MCMBP: variants seen among roughly 807,000 people sequenced by gnomAD.
MCMBP encodes the protein mini-chromosome maintenance complex-binding protein.
Under a neutral mutation model 81.3 loss-of-function variants are expected in MCMBP, and 31 were observed. The ratio of observed to expected loss-of-function variants is 0.38; its 90% CI spans 0.29 to 0.51. The LOEUF is 0.51. Among genes scored for constraint, MCMBP ranks in the 20% least tolerant of loss-of-function variants. The probability of loss-of-function intolerance (pLI) is 0.87; values close to 1 mark genes in which losing one functional copy is unlikely to be tolerated. For synonymous variants in MCMBP, 267 were observed against 275.9 expected, an observed-to-expected ratio of 0.97 and a Z score of 0.32; for missense variants, 645 against 772.1, an observed-to-expected ratio of 0.84 and a Z score of 1.95.
rs1564863754 is a variant in MCMBP, at chr10:119,829,668, C to T, written c.*1806G>A. On this transcript the variant is annotated 3_prime_UTR_variant, in exon 16 of 16. Coordinates refer to ENST00000369077, the MANE Select transcript of MCMBP (RefSeq NM_001256378.2). ...GCGGGCCTTGAGCAGGAAGGTCCCT[C>T]TTGCACCACCTCCTCCACTTCAGTT... 6.6e-6 allele frequency: 1 copy of T among 152,360 alleles called. No individual in the cohort carries two copies. The highest frequency in any genetic ancestry group is 1.5e-5 in the Non-Finnish European group (1 of 68,168). 9.4% of individuals were successfully genotyped at this position (152,360 alleles called of 1,614,324 possible).
rs374270273 is a variant in MCMBP, at chr10:119,858,861, T to C, written c.327+23A>G. The C allele has an allele frequency of 4.6e-6, 7 of 1,536,582 alleles. No individual in the cohort carries two copies. In the African/African-American group the frequency reaches 9.7e-5, roughly 21 times the overall value. The stretch of plus-strand genomic sequence containing the variant: ...GGAAAAAATTCTTACTAAAAATGTT[T>C]CATATATATTAAAGATACATACCCC... On this transcript the variant is annotated intron_variant, in intron 4 of 15. Transcript: ENST00000369077.
intron 1 of MCMBP, among the ~76,000 whole-genome samples, chr10:119,867,455 ATTC>A (rs1326288971): frequency 2.0e-5 from 3 of 152,074 alleles, no homozygotes; most frequent in Non-Finnish European, 4.4e-5. Flanking sequence ...TGCCGGAGCT[ATTC>A]TTCTTCTTTG....
In MCMBP at chr10:119,838,708, G is replaced by A. The variant is rs889342259; in HGVS notation, c.1243-8C>T. ...CATCTGCAGACGAAAAGACTGCAAA[G>A]AGAAATTTTTTAGTGAACAAGAATT... On this transcript the variant is annotated splice_region_variant and splice_polypyrimidine_tract_variant and intron_variant, in intron 11 of 15. Transcript: ENST00000369077. The A allele has an allele frequency of 2.5e-6, 4 of 1,584,994 alleles. No individual in the cohort carries two copies. Among genetic ancestry groups the A allele is most frequent in the Non-Finnish European group, 3.4e-6 (4 of 1,160,006 alleles).
At chr10:119,852,724 G>A (rs145999088) in intron 6 of MCMBP, among the ~76,000 whole-genome samples, 121 of 152,276 alleles carry the variant, frequency 7.9e-4, no homozygotes, top group African/African-American at 2.9e-3. Flanking sequence ...GAGAAAGCAT[G>A]TTTTCAGATA....
intron 1 of MCMBP, among the ~76,000 whole-genome samples, chr10:119,867,373 T>C (rs1190914790): frequency 6.6e-6 from 1 of 150,498 alleles, no homozygotes; most frequent in Non-Finnish European, 1.5e-5. Flanking sequence ...CATACCATCA[T>C]GTTGATTTTT....
chr10:119,865,694 C>A (rs571677141), intron 1 of MCMBP, among the ~76,000 whole-genome samples: 2 of 152,170 alleles, frequency 1.3e-5, no homozygotes, highest in East Asian at 3.9e-4. Context: ...TTTATAACAG[C>A]CAGGAAATAA....
At chr10:119,872,952 A>AG (rs1244905086), upstream of MCMBP, 1 of 151,406 alleles carries the variant, frequency 6.6e-6, no homozygotes. Flanking sequence ...GGCGAGGAGG[A>AG]GGGGCGGCGG....
chr10:119,829,525 C>T lies in MCMBP; in HGVS notation c.*1949G>A, dbSNP rs1483141043. The T allele has an allele frequency of 6.6e-6, 1 of 152,184 alleles. No homozygotes were observed. The highest frequency in any genetic ancestry group is 1.5e-5 in the Non-Finnish European group (1 of 68,032). 9.4% of individuals were successfully genotyped at this position (152,184 alleles called of 1,614,324 possible). A position where few individuals can be genotyped will look rare whatever the true frequency, so the allele number is the denominator to read the frequency against. Reference sequence around the variant, plus strand: ...CACAGGAGTCTACTCAGTTTCCTGGCCATACAGGATTAACGCTGTGCCTTA... The same window carrying T: ...CACAGGAGTCTACTCAGTTTCCTGGTCATACAGGATTAACGCTGTGCCTTA... On this transcript the variant is annotated 3_prime_UTR_variant, in exon 16 of 16. Transcript: ENST00000369077.
intron 2 of MCMBP, 146 bp downstream of exon 2, chr10:119,859,653 C>T (rs911902291): frequency 1.8e-6 from 1 of 562,778 alleles, no homozygotes; most frequent in African/African-American, 1.9e-5. Context: ...TAGCAAAAGA[C>T]CAAAATCTTT....
intron 2 of MCMBP, 126 bp from the exon 3 acceptor site, chr10:119,859,307 CA>C: frequency 2.7e-6 from 2 of 747,742 alleles, no homozygotes; most frequent in Non-Finnish European, 4.1e-6. Flanking sequence ...CACACACACC[CA>C]TGCCACATCA....
chr10:119,838,536 T>C lies in MCMBP; in HGVS notation c.1407A>G (p.Pro469=). Residue 469 remains proline, a splice_region_variant and synonymous_variant, in exon 12 of 16, where the codon CCA becomes CCG. Transcript: ENST00000369077. ...TLLEQGQLDT[P]GVHNVTALSN... ...GAAGAGAAACATCTATGTACGTACCTGGGGTATCCAGCTGCCCCTGTTCCA... is the reference window on the plus strand; with the variant it reads ...GAAGAGAAACATCTATGTACGTACCCGGGGTATCCAGCTGCCCCTGTTCCA... 6.2e-7 allele frequency: 1 copy of C among 1,613,608 alleles called. No homozygotes were observed. The highest frequency in any genetic ancestry group is 1.7e-5 in the Admixed American group (1 of 59,970).
chr10:119,854,540 AAAAT>A (rs138139742), intron 5 of MCMBP, among the ~76,000 whole-genome samples: 103,810 of 140,402 alleles, frequency 0.74, 38,620 homozygotes, highest in African/African-American at 0.8. Context: ...CCCTGTCTCA[AAAAT>A]AAATAAATAA....
chr10:119,838,412 C>T, intron 12 of MCMBP, 123 bp downstream of exon 12: 4 of 876,134 alleles, frequency 4.6e-6, no homozygotes, highest in Non-Finnish European at 6.7e-6. Flanking sequence ...ATTCATATGC[C>T]AAGCCTTTAT....
chr10:119,849,072 T>C (rs949168810), intron 7 of MCMBP, among the ~76,000 whole-genome samples: 1 of 152,128 alleles, frequency 6.6e-6, no homozygotes, highest in Non-Finnish European at 1.5e-5. Flanking sequence ...TGGGGAAACT[T>C]TCTTGGTTGT....
In MCMBP at chr10:119,851,008, G is replaced by C. The variant is rs1005997108; in HGVS notation, c.575-1432C>G. Among the ~76,000 whole-genome samples the C allele has an allele frequency of 1.5e-4, 23 of 151,506 alleles. No individual in the cohort carries two copies. In the South Asian group the frequency reaches 4.2e-3, roughly 27 times the overall value. On this transcript the variant is annotated intron_variant, in intron 6 of 15. Coordinates refer to ENST00000369077, the MANE Select transcript of MCMBP (RefSeq NM_001256378.2). The stretch of plus-strand genomic sequence containing the variant: ...CTGCCTCAGTCTCCCAAGTAGCTGG[G>C]ATTACAGGCGTGCACCACCATGCCC...
intron 1 of MCMBP, among the ~76,000 whole-genome samples, chr10:119,866,027 G>A (rs1437642206): frequency 1.3e-5 from 2 of 151,690 alleles, no homozygotes; most frequent in Non-Finnish European, 2.9e-5. Flanking sequence ...GTTCAAGGCT[G>A]CGGTGAACCA....
Position 119,835,492 on chromosome 10 carries a change from A to G in MCMBP, c.1707+48T>C, listed in dbSNP as rs560047234. 3.3e-5 allele frequency: 50 copies of G among 1,512,488 alleles called. No homozygotes were observed. In the Admixed American group the frequency reaches 6.3e-4, roughly 19 times the overall value. 93.7% of individuals were successfully genotyped at this position (1,512,488 alleles called of 1,614,324 possible). A position where few individuals can be genotyped will look rare whatever the true frequency, so the allele number is the denominator to read the frequency against. On this transcript the variant is annotated intron_variant, in intron 14 of 15. Transcript: ENST00000369077. ...ATTATGGTAAATGTAAATTGGTTGCATACTGCAATTCAACACAGGGAAATC... is the reference window on the plus strand; with the variant it reads ...ATTATGGTAAATGTAAATTGGTTGCGTACTGCAATTCAACACAGGGAAATC...
rs199759464 is a variant in MCMBP, at chr10:119,836,757, G to GT, written c.1542+138dup. The GT allele has an allele frequency of 7.3e-3, 2,163 of 296,730 alleles. 208 individuals are homozygous for GT. The highest frequency in any genetic ancestry group is 9.9e-3 in the Non-Finnish European group (1,637 of 165,068). The allele number at this position is 296,730 out of a possible 1,614,324, so 18.4% of individuals were successfully genotyped here. On this transcript the variant is annotated intron_variant, in intron 13 of 15. Transcript: ENST00000369077. ...ATTCCCTTAATGATCAGCAGTCACA[G>GT]TTTTTTTTTTTTTTTTTTTTTTTTT...
intron 14 of MCMBP, among the ~76,000 whole-genome samples, chr10:119,832,489 A>C (rs1852084892): frequency 6.6e-6 from 1 of 152,232 alleles, no homozygotes; most frequent in East Asian, 1.9e-4. Flanking sequence ...TATGCAAGAA[A>C]ACCAGGTGAT....
Sources: gnomAD v4.1 joint callset for allele counts (sites outside exome capture counted in the v4.1 genomes callset) on GRCh38, gnomAD v4.1.1 for gene constraint, MANE v1.5 for transcripts, NCBI Gene and HGNC (gene_info 2026-07-23, HGNC 2026-07-21) for gene names.